The following EXPH5 variants were observed in gnomAD, a reference collection of about 807,000 sequenced individuals.
The protein encoded by EXPH5 is exophilin-5.
EXPH5 carries 42 observed loss-of-function variants against 41.1 expected under a neutral mutation model. That is an observed-to-expected ratio of 1.02 (90% confidence interval 0.80 to 1.32). The LOEUF is 1.32. Among genes scored for constraint, EXPH5 ranks in the 40% most tolerant of loss-of-function variants. The pLI is 0.00. For synonymous variants in EXPH5, 798 were observed against 833.5 expected (o/e 0.96, Z 0.73); for missense variants, 2,298 against 2,314.5 (o/e 0.99, Z 0.15).
intron 1 of EXPH5, among the ~76,000 whole-genome samples, chr11:108,543,630 A>G (rs926947317): frequency 6.6e-6 from 1 of 152,204 alleles, no homozygotes; most frequent in South Asian, 2.1e-4. Context: ...GATGAGCAAG[A>G]TATCTGTGAA....
chr11:108,586,755 G>C (rs918804990), intron 1 of EXPH5, among the ~76,000 whole-genome samples: 2 of 150,908 alleles, frequency 1.3e-5, no homozygotes, highest in African/African-American at 4.9e-5. Flanking sequence ...TTGTTGGGGT[G>C]CAGAGAATTT....
Position 108,511,969 on chromosome 11 carries a change from G to A in EXPH5, c.3538C>T (p.His1180Tyr). 6.3e-7 allele frequency: 1 copy of A among 1,599,748 alleles called. No homozygotes were observed. Among genetic ancestry groups the A allele is most frequent in the East Asian group, 2.2e-5 (1 of 44,826 alleles). Residue 1180 changes from histidine to tyrosine, a missense_variant, in exon 6 of 6, where the codon CAC (histidine) becomes TAC (tyrosine). Transcript: ENST00000265843. ...VRDCSLTKRQHQKENFQEYTE... is the reference protein window; with the variant it reads ...VRDCSLTKRQYQKENFQEYTE... ...TATTCTTGGAAGTTTTCCTTTTGGT[G>A]TTGTCTTTTGGTTAAAGAACAATCT...
intron 1 of EXPH5, among the ~76,000 whole-genome samples, chr11:108,583,306 C>T (rs114434191): frequency 0.024 from 3,659 of 150,990 alleles, 86 homozygotes; most frequent in Middle Eastern, 0.076. Flanking sequence ...GGCGTGAACC[C>T]GAGTGCAGTG....
rs114174097 is a variant in EXPH5, at chr11:108,539,143, A to G, written c.324T>C (p.Asn108=). The G allele has an allele frequency of 3.0e-3, 4,885 of 1,610,082 alleles. 11 individuals are homozygous for G. Among genetic ancestry groups the G allele is most frequent in the Admixed American group, 4.6e-3 (272 of 59,652 alleles). The change falls in exon 3 of 6, where the codon AAT becomes AAC. Residue 108 remains asparagine, a synonymous_variant. Transcript: ENST00000265843. ...AAGAAAAAGGTGTCGGCTTTTTTTG[A>G]TTAGTTACATTTTTAGATCTTGATG... ...LPTSRSKNVT[N]QKKPTPFSSR...
intron 1 of EXPH5, among the ~76,000 whole-genome samples, chr11:108,585,427 G>A (rs963459031): frequency 2.0e-5 from 3 of 152,142 alleles, no homozygotes; most frequent in African/African-American, 7.2e-5. Flanking sequence ...CCTTTTACAT[G>A]AGGCCTGAGA....
In EXPH5 at chr11:108,512,942, A is replaced by G. The variant is rs777885727; in HGVS notation, c.2565T>C (p.Asp855=). ...ATTTTGAGTATTGTGCATTTTGAGT[A>G]TCAGTCAGTGCAGAGCTCCAGTGGT... ...TNNHWSSALT[D]TQNAQYSKCK... The change falls in exon 6 of 6, where the codon GAT becomes GAC. Residue 855 remains aspartate, a synonymous_variant. Coordinates refer to ENST00000265843, the MANE Select transcript of EXPH5 (RefSeq NM_015065.3). The G allele has an allele frequency of 2.5e-6, 4 of 1,613,162 alleles. No individual in the cohort carries two copies. In the South Asian group the frequency reaches 3.3e-5, roughly 13 times the overall value.
intron 1 of EXPH5, among the ~76,000 whole-genome samples, chr11:108,553,326 G>A (rs1268367170): frequency 2.0e-5 from 3 of 152,184 alleles, no homozygotes; most frequent in South Asian, 4.1e-4. Flanking sequence ...ATTACCATCT[G>A]GTTCAGATCA....
rs569157251 is a variant in EXPH5, at chr11:108,590,813, A to G, written c.119+2605T>C. On this transcript the variant is annotated intron_variant, in intron 1 of 5. Coordinates refer to ENST00000265843, the MANE Select transcript of EXPH5 (RefSeq NM_015065.3). ...AAGTATGTGCCACAATATCAGGCTA[A>G]ATTTATTTTTAATTTTTATTGTAGA... Among the ~76,000 whole-genome samples, 7 of 152,170 alleles carry G rather than the reference A, an allele frequency of 4.6e-5. No individual in the cohort carries two copies. In the South Asian group the frequency reaches 1.5e-3, roughly 32 times the overall value.
the EXPH5 span, among the ~76,000 whole-genome samples, chr11:108,603,772 C>A: frequency 1.3e-5 from 2 of 152,204 alleles, no homozygotes; most frequent in South Asian, 2.1e-4. Context: ...CTCCACATGA[C>A]TGAATGCTGG....
intron 4 of EXPH5, among the ~76,000 whole-genome samples, chr11:108,524,492 A>G (rs2093785698): frequency 6.6e-6 from 1 of 152,230 alleles, no homozygotes. Context: ...AGGCCATTGC[A>G]AAATGCTGGC....
intron 1 of EXPH5, among the ~76,000 whole-genome samples, chr11:108,554,060 G>T (rs2093979891): frequency 6.8e-6 from 1 of 146,616 alleles, no homozygotes; most frequent in Non-Finnish European, 1.5e-5. Context: ...TGTGGCCCCT[G>T]ACCTTTTTTT....
At chr11:108,515,239 T>C (rs1178383162) in intron 5 of EXPH5, among the ~76,000 whole-genome samples, 1 of 152,200 alleles carries the variant, frequency 6.6e-6, no homozygotes, top group Non-Finnish European at 1.5e-5. Context: ...GAATTAATAA[T>C]GCAGACATTG....
chr11:108,525,237 C>T (rs1460848461), intron 4 of EXPH5, among the ~76,000 whole-genome samples: 1 of 152,144 alleles, frequency 6.6e-6, no homozygotes, highest in Admixed American at 6.5e-5. Context: ...TTATCAGCAG[C>T]ATGAAAACAA....
At chr11:108,541,841 C>G in intron 1 of EXPH5, 29 bp from the exon 2 acceptor site, 1 of 1,519,696 alleles carries the variant, frequency 6.6e-7, no homozygotes, top group African/African-American at 1.4e-5. Flanking sequence ...TTAATGTGGT[C>G]TTTATTTATT....
intron 1 of EXPH5, among the ~76,000 whole-genome samples, chr11:108,593,084 C>T (rs1025897206): frequency 6.6e-6 from 1 of 152,240 alleles, no homozygotes; most frequent in African/African-American, 2.4e-5. Context: ...TTGCCTGAAA[C>T]GGCCCACGCC....
Position 108,511,601 on chromosome 11 carries a change from T to C in EXPH5, c.3906A>G (p.Thr1302=), listed in dbSNP as rs752134091. The C allele has an allele frequency of 1.2e-6, 2 of 1,613,506 alleles. No individual in the cohort carries two copies. The highest frequency in any genetic ancestry group is 1.3e-5 in the African/African-American group (1 of 75,026). The part of the protein sequence containing the change: ...ALEKDKQNYS[T]REQSGTPSCE... ...ATGAAGGTGTTCCTGACTGCTCTCG[T>C]GTAGAATAATTCTGTTTGTCTTTTT... The change falls in exon 6 of 6, where the codon ACA becomes ACG. Residue 1302 remains threonine, a synonymous_variant. Transcript: ENST00000265843.
chr11:108,514,905 C>A, intron 5 of EXPH5, 30 bp from the exon 6 acceptor site: 1 of 1,367,434 alleles, frequency 7.3e-7, no homozygotes. Context: ...CAACCTTTTT[C>A]TGTATGTTTT....
At chr11:108,563,941 A>C (rs2094023593) in intron 1 of EXPH5, among the ~76,000 whole-genome samples, 1 of 152,144 alleles carries the variant, frequency 6.6e-6, no homozygotes, top group Admixed American at 6.5e-5. Context: ...GTGACCAGAA[A>C]AGTCAAGGGA....
intron 5 of EXPH5, among the ~76,000 whole-genome samples, chr11:108,517,257 T>C (rs983541783): frequency 2.0e-5 from 3 of 152,200 alleles, no homozygotes; most frequent in Admixed American, 2.0e-4. Flanking sequence ...AAGGCCACAT[T>C]ATTATTATTT....
Sources: allele counts gnomAD v4.1 joint callset (sites outside exome capture counted in the v4.1 genomes callset), GRCh38; gene constraint gnomAD v4.1.1; transcripts MANE v1.5; gene names NCBI Gene and HGNC (gene_info 2026-07-23, HGNC 2026-07-21).